The following PIEZO1 variants were observed in gnomAD, a reference collection of about 807,000 sequenced individuals.
PIEZO1 encodes piezo-type mechanosensitive ion channel component 1.
Under a neutral mutation model 297.2 loss-of-function variants are expected in PIEZO1, and 296 were observed. That is an observed-to-expected ratio of 1.00 (90% CI 0.91 to 1.10). PIEZO1 has a LOEUF of 1.10. Ranked by LOEUF, PIEZO1 falls within the 50% of genes least tolerant of loss-of-function variation. PIEZO1 has a pLI of 0.00. For missense variants in PIEZO1, 5,018 were observed against 3,455.5 expected, an observed-to-expected ratio of 1.45 and a Z score of -11.34; for synonymous variants, 2,427 against 1,507.5, an observed-to-expected ratio of 1.61 and a Z score of -14.13.
At position 88,736,236 on chromosome 16, in the gene PIEZO1, G is replaced by C; in HGVS notation, c.1469C>G (p.Pro490Arg). 6.5e-7 allele frequency: 1 copy of C among 1,550,058 alleles called. No homozygotes were observed. The highest frequency in any genetic ancestry group is 8.7e-7 in the Non-Finnish European group (1 of 1,146,800). Residue 490 changes from proline (P) to arginine (R), a missense_variant, in exon 12 of 51, where the codon CCT (proline) becomes CGT (arginine). By Grantham distance (103) the Pro-to-Arg change is moderately radical. Coordinates refer to ENST00000301015, the MANE Select transcript of PIEZO1 (RefSeq NM_001142864.4). ...GGGGCCCAGGGTGGTGGGCAGCTCA[G>C]GGCGCAGGTCCATGGCCCACACGTA... The part of the protein sequence containing the change: ...LRYVWAMDLR[P>R]ELPTTLGPVS...
rs1246754348 is a variant in PIEZO1 at position 88,715,452 on chromosome 16, C to T, written c.*153G>A. The T allele has an allele frequency of 4.5e-5, 43 of 957,920 alleles. No individual in the cohort carries two copies. The Middle Eastern group carries it at 9.9e-4, about 22-fold the overall frequency. The allele number at this position is 957,920 out of a possible 1,614,324, so 59.3% of individuals were successfully genotyped here. A position where few individuals can be genotyped will look rare whatever the true frequency, so the allele number is the denominator to read the frequency against. On this transcript the variant is annotated 3_prime_UTR_variant, in exon 51 of 51. Coordinates refer to ENST00000301015, the MANE Select transcript of PIEZO1 (RefSeq NM_001142864.4). ...GTGGGGACGCAGTGTCCTTCTCTGA[C>T]AGCAGCATCAGGGCTCAGGCAGGCC...
At chr16:88,768,559 C>T (rs139235520) in intron 1 of PIEZO1, among the ~76,000 whole-genome samples, 21 of 152,344 alleles carry the variant, frequency 1.4e-4, no homozygotes, top group African/African-American at 5.0e-4. Context: ...GCCGAACTCC[C>T]GGGGGTCCCG....
intron 1 of PIEZO1, among the ~76,000 whole-genome samples, chr16:88,757,309 G>A (rs1288478496): frequency 2.9e-5 from 3 of 105,014 alleles, no homozygotes; most frequent in African/African-American, 8.1e-5. Flanking sequence ...TATGCAGGGG[G>A]CGTTGCTGGC....
At position 88,716,582 on chromosome 16, in the gene PIEZO1, C is replaced by T. The variant is rs147479380; in HGVS notation, c.6903G>A (p.Leu2301=). 452 of 1,546,352 alleles carry T rather than the reference C, an allele frequency of 2.9e-4. 3 individuals are homozygous for T. The African/African-American group carries it at 5.5e-3, about 19-fold the overall frequency. ...ELYNGTADIT[L]RFTWNFQRDL... ...ACCTCTGGAAGTTCCAGGTGAAGCGCAGGGTGATGTCGGCCGTGCCGTTGT... is the reference window on the plus strand; with the variant it reads ...ACCTCTGGAAGTTCCAGGTGAAGCGTAGGGTGATGTCGGCCGTGCCGTTGT... The change falls in exon 47 of 51, where the codon CTG becomes CTA. Residue 2301 remains leucine, a synonymous_variant. Transcript: ENST00000301015.
At chr16:88,768,874 G>C (rs1907296999) in intron 1 of PIEZO1, among the ~76,000 whole-genome samples, 1 of 152,242 alleles carries the variant, frequency 6.6e-6, no homozygotes, top group South Asian at 2.1e-4. Context: ...TGTGGCTGCA[G>C]ACCATGGGAT....
rs539786366 is a variant in PIEZO1 at position 88,766,063 on chromosome 16, G to A, written c.65-16584C>T. 1.8e-3 allele frequency among the ~76,000 whole-genome samples: 270 copies of A among 152,324 alleles called. 1 individual carries two copies. The highest frequency in any genetic ancestry group is 6.8e-3 in the Middle Eastern group (2 of 294). On this transcript the variant is annotated intron_variant, in intron 1 of 50. Coordinates refer to ENST00000301015, the MANE Select transcript of PIEZO1 (RefSeq NM_001142864.4). ...TCAGCGCACGGCTGTGTTCTCAGTC[G>A]GCAGCGTGGGTGCCGTGGTCACGCC... is the stretch of plus-strand genomic sequence containing the variant.
chr16:88,734,772 C>T lies in PIEZO1; in HGVS notation c.1875G>A (p.Leu625=). 6.5e-7 allele frequency: 1 copy of T among 1,550,300 alleles called. No homozygotes were observed. The highest frequency in any genetic ancestry group is 8.7e-7 in the Non-Finnish European group (1 of 1,146,896). The change falls in exon 15 of 51, where the codon CTG becomes CTA. Residue 625 remains leucine (L), a synonymous_variant. Coordinates refer to ENST00000301015, the MANE Select transcript of PIEZO1 (RefSeq NM_001142864.4). ...FQVYYSLWRK[L]LKAFWWLVVA... ...CCACGAGCCACCAGAAGGCCTTGAG[C>T]AGCTTCCGCCACAGGCTGTAGTAGA...
intron 1 of PIEZO1, among the ~76,000 whole-genome samples, chr16:88,756,650 C>T (rs929186489): frequency 1.3e-5 from 2 of 152,116 alleles, no homozygotes; most frequent in Non-Finnish European, 2.9e-5. Flanking sequence ...TGCCTGTAGT[C>T]CCAGCTACTT....
chr16:88,762,425 G>A (rs1007699101), intron 1 of PIEZO1, among the ~76,000 whole-genome samples: 1 of 152,216 alleles, frequency 6.6e-6, no homozygotes, highest in African/African-American at 2.4e-5. Context: ...CATCTGAGCT[G>A]CAGGCACTGC....
chr16:88,774,795 C>T (rs779977588), intron 1 of PIEZO1, among the ~76,000 whole-genome samples: 6 of 152,200 alleles, frequency 3.9e-5, no homozygotes, highest in African/African-American at 1.2e-4. Flanking sequence ...ACCCCGGAGC[C>T]GGCTGCGCAG....
chr16:88,717,735 T>C (rs1307929466), intron 44 of PIEZO1: 3 of 442,624 alleles, frequency 6.8e-6, no homozygotes, highest in East Asian at 7.0e-5. Flanking sequence ...TTTCTGCAAA[T>C]TTTAATTGAT....
Position 88,763,300 on chromosome 16 carries a change from G to A in PIEZO1, c.65-13821C>T, listed in dbSNP as rs186278081. ...CTCCTGTGTGAACAGGGCGGCCCAAGGCAGAAGCTGGAGGTGAGCAGAACC... is the reference window on the plus strand; with the variant it reads ...CTCCTGTGTGAACAGGGCGGCCCAAAGCAGAAGCTGGAGGTGAGCAGAACC... On this transcript the variant is annotated intron_variant, in intron 1 of 50. Coordinates refer to ENST00000301015, the MANE Select transcript of PIEZO1 (RefSeq NM_001142864.4). Among the ~76,000 whole-genome samples, 101 of 152,346 alleles carry A rather than the reference G, an allele frequency of 6.6e-4. 1 individual carries two copies. In the East Asian group the frequency reaches 0.013, roughly 20 times the overall value.
intron 36 of PIEZO1, 35 bp from the exon 37 acceptor site, chr16:88,722,101 G>T: frequency 6.5e-7 from 1 of 1,534,972 alleles, no homozygotes; most frequent in Non-Finnish European, 8.8e-7. Context: ...GGGAGTCTGG[G>T]ACTGCCCGAA....
At chr16:88,739,218 G>C (rs969994739) in intron 5 of PIEZO1, 8 of 157,442 alleles carry the variant, frequency 5.1e-5, no homozygotes, top group African/African-American at 1.9e-4. Flanking sequence ...CTGGAAGATA[G>C]GGGTGGTACT....
At chr16:88,738,913 C>A in intron 5 of PIEZO1, 177 bp from the exon 6 acceptor site, 1 of 609,406 alleles carries the variant, frequency 1.6e-6, no homozygotes, top group Non-Finnish European at 2.9e-6. Flanking sequence ...CTGCCTGACA[C>A]CTTCCTACTT....
At chr16:88,723,453 G>A (rs1355835964) in intron 31 of PIEZO1, 125 bp from the exon 32 acceptor site, 2 of 1,126,224 alleles carry the variant, frequency 1.8e-6, no homozygotes, top group Non-Finnish European at 2.5e-6. Flanking sequence ...GGACCTCCGT[G>A]TCCCTGAGCC....
intron 1 of PIEZO1, among the ~76,000 whole-genome samples, chr16:88,765,159 C>T (rs897906112): frequency 6.6e-6 from 1 of 152,244 alleles, no homozygotes; most frequent in Non-Finnish European, 1.5e-5. Flanking sequence ...CCCCAGGGCC[C>T]AGTCACAGGC....
At position 88,735,252 on chromosome 16, in the gene PIEZO1, A is replaced by G; in HGVS notation, c.1558-6T>C. On this transcript the variant is annotated splice_polypyrimidine_tract_variant and splice_region_variant and intron_variant, in intron 12 of 50. Coordinates refer to ENST00000301015, the MANE Select transcript of PIEZO1 (RefSeq NM_001142864.4). ...AAGGTCAGGGTGTAGAGCAACTGTG[A>G]CAAGCGCAGGGTGTCACAGTCAGCC... 1 of 1,544,376 alleles carries G rather than the reference A, an allele frequency of 6.5e-7. No homozygotes were observed. The highest frequency in any genetic ancestry group is 8.8e-7 in the Non-Finnish European group (1 of 1,141,478).
chr16:88,779,026 TACG>T (rs1907805693), intron 1 of PIEZO1, among the ~76,000 whole-genome samples: 1 of 145,422 alleles, frequency 6.9e-6, no homozygotes, highest in South Asian at 2.2e-4. Flanking sequence ...TAATCTGATT[TACG>T]ACTTCACTTT....
Sources: gnomAD v4.1 joint callset for allele counts (sites outside exome capture counted in the v4.1 genomes callset) on GRCh38, gnomAD v4.1.1 for gene constraint, MANE v1.5 for transcripts, NCBI Gene and HGNC (gene_info 2026-07-23, HGNC 2026-07-21) for gene names.